Variants in KDM4A observed in about 807,000 individuals in gnomAD.
KDM4A encodes the protein lysine-specific demethylase 4A.
KDM4A carries 23 observed loss-of-function variants against 127.1 expected under a neutral mutation model. The observed-to-expected ratio is 0.18, with a 90% CI of 0.13 to 0.26. The LOEUF (loss-of-function observed/expected upper bound fraction) is 0.26, where lower values mean the gene tolerates loss of function less well. Ranked by LOEUF, KDM4A falls within the 10% of genes least tolerant of loss-of-function variation. The pLI is 1.00. For missense variants in KDM4A, 890 were observed against 1,329.1 expected (o/e 0.67, Z 5.14); for synonymous variants, 443 against 466.5 (o/e 0.95, Z 0.65).
intron 15 of KDM4A, among the ~76,000 whole-genome samples, chr1:43,691,952 T>G (rs1008335004): frequency 6.6e-6 from 1 of 152,232 alleles, no homozygotes; most frequent in African/African-American, 2.4e-5. Flanking sequence ...TAAGAAGCAG[T>G]CAGAGCCCTG....
intron 19 of KDM4A, 52 bp downstream of exon 19, chr1:43,698,065 A>G (rs747992158): frequency 6.3e-7 from 1 of 1,578,456 alleles, no homozygotes; most frequent in Admixed American, 1.7e-5. Context: ...GGATGTTTCT[A>G]AGGTCTGGCT....
Position 43,692,818 on chromosome 1 carries a change from T to C in KDM4A, c.2375+507T>C, listed in dbSNP as rs550951022. Among the ~76,000 whole-genome samples, 137 of 152,326 alleles carry C rather than the reference T, an allele frequency of 9.0e-4. 2 individuals carry two copies. The South Asian group carries it at 0.017, about 19-fold the overall frequency. Reference sequence around the variant, plus strand: ...ACCGAATCTGCTGAATTTTCTGGGCTTCTCAGCTGTTGGGCAGCTCGTTTT... The same window carrying C: ...ACCGAATCTGCTGAATTTTCTGGGCCTCTCAGCTGTTGGGCAGCTCGTTTT... On this transcript the variant is annotated intron_variant, in intron 16 of 21. Transcript: ENST00000372396.
At chr1:43,663,790 A>AT (rs933701768) in intron 5 of KDM4A, among the ~76,000 whole-genome samples, 1 of 151,604 alleles carries the variant, frequency 6.6e-6, no homozygotes, top group African/African-American at 2.4e-5. Context: ...TGCCCAGCTA[A>AT]TTTTTTTCCT....
intron 1 of KDM4A, among the ~76,000 whole-genome samples, chr1:43,652,195 C>T (rs1262033300): frequency 6.6e-6 from 1 of 151,992 alleles, no homozygotes; most frequent in East Asian, 1.9e-4. Context: ...CCATGGGTGG[C>T]TTTCAAGTTG....
Position 43,691,546 on chromosome 1 carries a change from C to T in KDM4A, c.2293C>T (p.Arg765Trp), listed in dbSNP as rs1374660518. 7 of 1,613,810 alleles carry T rather than the reference C, an allele frequency of 4.3e-6. No individual in the cohort carries two copies. Among genetic ancestry groups the T allele is most frequent in the African/African-American group, 1.3e-5 (1 of 74,832 alleles). ...AKASEDWMCSRCSANALEEDC... is the reference protein window; with the variant it reads ...AKASEDWMCSWCSANALEEDC... ...GGCTTCTGAAGACTGGATGTGTTCTCGGTGTTCAGCCAATGCCCTAGAGGA... is the reference window on the plus strand; with the variant it reads ...GGCTTCTGAAGACTGGATGTGTTCTTGGTGTTCAGCCAATGCCCTAGAGGA... Residue 765 changes from arginine to tryptophan, a missense_variant, in exon 15 of 22, where the codon CGG becomes TGG. By Grantham distance (101) the Arg-to-Trp change is moderately radical. Around this residue, in one of 7 missense-constraint regions of KDM4A, gnomAD observed 246 missense variants for 418.4 expected, o/e 0.59. Coordinates refer to ENST00000372396, the MANE Select transcript of KDM4A (RefSeq NM_014663.3).
At chr1:43,692,117 G>A (rs960720559) in intron 15 of KDM4A, 139 bp from the exon 16 acceptor site, 1 of 788,660 alleles carries the variant, frequency 1.3e-6, no homozygotes, top group Non-Finnish European at 2.2e-6. Flanking sequence ...TGGTGCAGGG[G>A]CTGCCTGGGT....
At position 43,692,243 on chromosome 1, in the gene KDM4A, C is replaced by G; in HGVS notation, c.2320-13C>G. ...GTATTAACCACTTTTTCCTCCCTCT[C>G]CTTTCTTGGCAGGACTGCTGTTTAT... On this transcript the variant is annotated splice_polypyrimidine_tract_variant and intron_variant, in intron 15 of 21. Coordinates refer to ENST00000372396, the MANE Select transcript of KDM4A (RefSeq NM_014663.3). 6.2e-7 allele frequency: 1 copy of G among 1,613,934 alleles called. No individual in the cohort carries two copies. Among genetic ancestry groups the G allele is most frequent in the Non-Finnish European group, 8.5e-7 (1 of 1,179,792 alleles).
At chr1:43,667,709 G>T (rs143860274) in intron 8 of KDM4A, 63 bp from the exon 9 acceptor site, 2 of 1,604,218 alleles carry the variant, frequency 1.2e-6, no homozygotes, top group East Asian at 2.2e-5. Context: ...GAGCTAGGAC[G>T]TGGGGGTGAG....
chr1:43,655,778 CCCTTTCT>C lies in KDM4A; in HGVS notation c.314+13_314+19del. On this transcript the variant is annotated intron_variant, in intron 3 of 21. Coordinates refer to ENST00000372396, the MANE Select transcript of KDM4A (RefSeq NM_014663.3). ...GCCAATAGCGATAAGTGAGTGGAAA[CCCTTTCT>C]TACCTGACATAGCACCTAGGACCCT... 1 of 1,598,110 alleles carries C rather than the reference CCCTTTCT, an allele frequency of 6.3e-7. No individual in the cohort carries two copies. Among genetic ancestry groups the C allele is most frequent in the Non-Finnish European group, 8.5e-7 (1 of 1,169,828 alleles).
chr1:43,654,913 G>A (rs570475161), intron 2 of KDM4A, among the ~76,000 whole-genome samples: 6 of 151,626 alleles, frequency 4.0e-5, no homozygotes, highest in South Asian at 2.1e-4. Flanking sequence ...GTGCAATGGC[G>A]CAATCTTGGC....
chr1:43,690,613 T>C, intron 13 of KDM4A: 1 of 577,232 alleles, frequency 1.7e-6, no homozygotes. Flanking sequence ...CTTACCTTGC[T>C]CCCTTTTCTC....
At chr1:43,651,720 T>C (rs941696994) in intron 1 of KDM4A, among the ~76,000 whole-genome samples, 5 of 152,216 alleles carry the variant, frequency 3.3e-5, no homozygotes, top group African/African-American at 1.2e-4. Context: ...TAGAATGGCC[T>C]ATTTTCATTG....
chr1:43,662,268 C>T (rs183807382), intron 4 of KDM4A, among the ~76,000 whole-genome samples: 1 of 151,692 alleles, frequency 6.6e-6, no homozygotes, highest in East Asian at 1.9e-4. Context: ...CTATTTTGAC[C>T]TAAATTTCTT....
In KDM4A at chr1:43,694,048, T is replaced by G; in HGVS notation, c.2430T>G (p.Ile810Met). ...TTCTGGAAGCAAGGTTTGTCAACAT[T>G]GCAGAAAGAAGTCCGGTGGATGTGA... ...VAILEARFVN[I>M]AERSPVDVSK... is the part of the protein sequence containing the mutation. The change falls in exon 17 of 22, where the codon ATT becomes ATG. Residue 810 changes from isoleucine to methionine, a missense_variant. Ile to Met is a conservative substitution (Grantham distance 10). This residue lies in a region of KDM4A where 246 missense variants were observed against 418.4 expected (regional missense o/e 0.59). Transcript: ENST00000372396. The surrounding 1 kb of genome is among the most constrained non-coding windows in gnomAD (Gnocchi z 5.2). The G allele has an allele frequency of 1.2e-6, 2 of 1,614,256 alleles. No individual in the cohort carries two copies. The highest frequency in any genetic ancestry group is 2.2e-5 in the South Asian group (2 of 91,086).
chr1:43,695,408 A>G (rs1387027545), intron 18 of KDM4A, among the ~76,000 whole-genome samples: 1 of 152,214 alleles, frequency 6.6e-6, no homozygotes. Flanking sequence ...GTCTTAAACA[A>G]TAAGAAGGAA....
chr1:43,650,407 T>TTC (rs1270846223), intron 1 of KDM4A, 155 bp downstream of exon 1: 3 of 152,170 alleles, frequency 2.0e-5, no homozygotes, highest in African/African-American at 7.2e-5. Flanking sequence ...CCAGAATGGG[T>TTC]TCTGAGATTG....
chr1:43,685,370 C>T (rs757630314), intron 12 of KDM4A, among the ~76,000 whole-genome samples: 2 of 152,082 alleles, frequency 1.3e-5, no homozygotes, highest in Middle Eastern at 3.4e-3. Context: ...CAGAGTCAAT[C>T]GTACATGTTA....
chr1:43,686,161 T>TG (rs1174833599), intron 12 of KDM4A, among the ~76,000 whole-genome samples: 11 of 143,670 alleles, frequency 7.7e-5, no homozygotes, highest in Non-Finnish European at 1.7e-4. Context: ...GTTTTTTTTT[T>TG]TTTTTTTTTT....
chr1:43,665,178 T>C, intron 5 of KDM4A, among the ~76,000 whole-genome samples: 1 of 152,130 alleles, frequency 6.6e-6, no homozygotes, highest in East Asian at 1.9e-4. Flanking sequence ...GGGTAATCAG[T>C]ATATGTAGCT....
Sources: allele counts gnomAD v4.1 joint callset (sites outside exome capture counted in the v4.1 genomes callset), GRCh38; gene constraint gnomAD v4.1.1; regional missense constraint gnomAD v4.1.1; non-coding constraint Gnocchi (gnomAD v3.1); transcripts MANE v1.5; gene names NCBI Gene and HGNC (gene_info 2026-07-23, HGNC 2026-07-21).